SEC23B: variants seen among roughly 807,000 people sequenced by gnomAD.
The protein encoded by SEC23B is protein transport protein Sec23B.
A neutral mutation model predicts 104.3 loss-of-function variants in SEC23B; 77 were observed. The observed-to-expected ratio is 0.74, with a 90% confidence interval of 0.61 to 0.89. SEC23B has a LOEUF of 0.89. Ranked by LOEUF, SEC23B falls within the 40% of genes least tolerant of loss-of-function variation. SEC23B has a pLI of 0.00. For synonymous variants in SEC23B, 338 were observed against 332.5 expected, an observed-to-expected ratio of 1.02 and a Z score of -0.18; for missense variants, 885 against 949.4, an observed-to-expected ratio of 0.93 and a Z score of 0.89.
Position 18,551,174 on chromosome 20 carries a change from AG to A in SEC23B, c.1992+1del. The A allele has an allele frequency of 6.6e-7, 1 of 1,510,320 alleles. No homozygotes were observed. The highest frequency in any genetic ancestry group is 9.2e-7 in the Non-Finnish European group (1 of 1,091,854). The allele number at this position is 1,510,320 out of a possible 1,614,324, so 93.6% of individuals were successfully genotyped here. On this transcript the variant is annotated frameshift_variant and splice_region_variant, in exon 17 of 20. Transcript: ENST00000650089. LOFTEE classifies it high-confidence loss of function. The part of the protein sequence containing the change: ...TFFQIVIYLG[E>X]TIAQWRKAGY... ...TTTCAAATTGTCATTTATCTTGGTG[AG>A]GTAAGATGATATTATTAATTAATTA...
In SEC23B at chr20:18,543,157, A is replaced by G; in HGVS notation, c.1650A>G (p.Arg550=). 6.2e-7 allele frequency: 1 copy of G among 1,614,160 alleles called. No homozygotes were observed. The highest frequency in any genetic ancestry group is 8.5e-7 in the Non-Finnish European group (1 of 1,180,028). The change falls in exon 14 of 20, where the codon CGA becomes CGG. Residue 550 remains arginine (R), a synonymous_variant. Coordinates refer to ENST00000650089, the MANE Select transcript of SEC23B (RefSeq NM_006363.6). ...CCGATGTGCTCCGGTGGCTGGACCG[A>G]CAACTCATCCGACTGGTAAATTGGG... The part of the protein sequence containing the change: ...EGPDVLRWLD[R]QLIRLCQKFG...
intron 2 of SEC23B, 144 bp downstream of exon 2, chr20:18,511,200 G>T: frequency 2.9e-6 from 2 of 701,562 alleles, no homozygotes; most frequent in Non-Finnish European, 5.1e-6. Flanking sequence ...CGATTCTTGT[G>T]GTGAGTAGTA....
chr20:18,537,872 T>A (rs923917652), intron 12 of SEC23B, among the ~76,000 whole-genome samples: 1 of 152,150 alleles, frequency 6.6e-6, no homozygotes, highest in Non-Finnish European at 1.5e-5. Flanking sequence ...TACATTGATG[T>A]TGTTGGCTGC....
chr20:18,531,004 C>T (rs553339901), intron 10 of SEC23B, among the ~76,000 whole-genome samples: 5 of 152,370 alleles, frequency 3.3e-5, no homozygotes, highest in Admixed American at 3.3e-4. Flanking sequence ...ATCCAGACTT[C>T]TGGCAACCTC....
chr20:18,508,977 G>A (rs1380954959), intron 1 of SEC23B, among the ~76,000 whole-genome samples: 1 of 152,094 alleles, frequency 6.6e-6, no homozygotes, highest in Non-Finnish European at 1.5e-5. Context: ...GGCCTCGGTC[G>A]CCCAAAGTGC....
chr20:18,517,799 C>G (rs2060043442), intron 4 of SEC23B, among the ~76,000 whole-genome samples: 1 of 152,074 alleles, frequency 6.6e-6, no homozygotes, highest in Non-Finnish European at 1.5e-5. Context: ...TGGTGATGGC[C>G]TGGATGTGGT....
intron 12 of SEC23B, among the ~76,000 whole-genome samples, chr20:18,538,273 G>T (rs1255175236): frequency 7.2e-6 from 1 of 138,888 alleles, no homozygotes; most frequent in Non-Finnish European, 1.5e-5. Context: ...TTTTTGAGAC[G>T]GGGTCTCGCT....
chr20:18,521,008 C>T (rs897655044), intron 4 of SEC23B, among the ~76,000 whole-genome samples: 6 of 152,056 alleles, frequency 3.9e-5, no homozygotes, highest in Non-Finnish European at 7.4e-5. Context: ...GGAAGAATCC[C>T]GGGCTGCGGG....
intron 16 of SEC23B, among the ~76,000 whole-genome samples, chr20:18,549,801 C>T (rs1405149569): frequency 3.3e-5 from 5 of 151,702 alleles, no homozygotes; most frequent in African/African-American, 1.2e-4. Context: ...GCCAATGTGG[C>T]GAAACCCCAT....
At position 18,532,661 on chromosome 20, in the gene SEC23B, T is replaced by A. The variant is rs780469533; in HGVS notation, c.1234-3T>A. Reference sequence around the variant, plus strand: ...ACTTTACACTGTCACATATTTGTTATAGACCTCTCGGGAACTGAAGATTGC... The same window carrying A: ...ACTTTACACTGTCACATATTTGTTAAAGACCTCTCGGGAACTGAAGATTGC... On this transcript the variant is annotated splice_polypyrimidine_tract_variant and splice_region_variant and intron_variant, in intron 10 of 19. Transcript: ENST00000650089. The A allele has an allele frequency of 1.2e-6, 2 of 1,608,792 alleles. No individual in the cohort carries two copies. Among genetic ancestry groups the A allele is most frequent in the Non-Finnish European group, 1.7e-6 (2 of 1,175,060 alleles).
At chr20:18,520,809 G>A (rs1295873628) in intron 4 of SEC23B, among the ~76,000 whole-genome samples, 1 of 151,888 alleles carries the variant, frequency 6.6e-6, no homozygotes, top group Non-Finnish European at 1.5e-5. Context: ...CCCAAAGCTC[G>A]GCGTCCGTGA....
Position 18,510,931 on chromosome 20 carries a change from A to G in SEC23B, c.96A>G (p.Thr32=), listed in dbSNP as rs764194823. ...NVWPSSRLEA[T]RMVVPLACLL... ...GGCCTTCCAGCCGGCTGGAGGCTACAAGAATGGTTGTACCCCTGGCTTGTC... is the reference window on the plus strand; with the variant it reads ...GGCCTTCCAGCCGGCTGGAGGCTACGAGAATGGTTGTACCCCTGGCTTGTC... The change falls in exon 2 of 20, where the codon ACA becomes ACG. Residue 32 remains threonine, a synonymous_variant. Transcript: ENST00000650089. 6.2e-6 allele frequency: 10 copies of G among 1,614,072 alleles called. No homozygotes were observed. Among genetic ancestry groups the G allele is most frequent in the African/African-American group, 1.3e-5 (1 of 74,940 alleles).
At position 18,530,809 on chromosome 20, in the gene SEC23B, G is replaced by T. The variant is rs745894987; in HGVS notation, c.1233+6G>T. The T allele has an allele frequency of 1.3e-6, 2 of 1,561,268 alleles. No homozygotes were observed. The highest frequency in any genetic ancestry group is 2.8e-5 in the African/African-American group (2 of 71,150). On this transcript the variant is annotated splice_donor_region_variant and intron_variant, in intron 10 of 19. Coordinates refer to ENST00000650089, the MANE Select transcript of SEC23B (RefSeq NM_006363.6). The stretch of plus-strand genomic sequence containing the variant: ...GTGCTACTTTGGACGTAAAGGTACG[G>T]TAAACTTTTTTTTTTTTTTATGTGG...
chr20:18,539,408 A>T (rs2060267170), intron 12 of SEC23B, among the ~76,000 whole-genome samples: 2 of 140,856 alleles, frequency 1.4e-5, no homozygotes, highest in African/African-American at 5.3e-5. Flanking sequence ...TACTTGGGAG[A>T]CTGAGGCAGG....
chr20:18,554,308 C>T lies in SEC23B; in HGVS notation c.2066C>T (p.Ala689Val). 1 of 1,614,174 alleles carries T rather than the reference C, an allele frequency of 6.2e-7. No individual in the cohort carries two copies. Among genetic ancestry groups the T allele is most frequent in the Non-Finnish European group, 8.5e-7 (1 of 1,180,030 alleles). Residue 689 changes from alanine to valine, a missense_variant, in exon 18 of 20, where the codon GCA becomes GTA. Transcript: ENST00000650089. Reference sequence around the variant, plus strand: ...GAAAACTTCAAGCACCTTCTGCAGGCACCACTGGATGATGCTCAAGAAATT... The same window carrying T: ...GAAAACTTCAAGCACCTTCTGCAGGTACCACTGGATGATGCTCAAGAAATT... ...EYENFKHLLQAPLDDAQEILQ... is the reference protein window; with the variant it reads ...EYENFKHLLQVPLDDAQEILQ...
At position 18,527,515 on chromosome 20, in the gene SEC23B, A is replaced by G. The variant is rs2060144319; in HGVS notation, c.1013A>G (p.Asn338Ser). Residue 338 changes from asparagine to serine, a missense_variant, in exon 9 of 20, where the codon AAT becomes AGT. By Grantham distance (46) the Asn-to-Ser change is conservative. Coordinates refer to ENST00000650089, the MANE Select transcript of SEC23B (RefSeq NM_006363.6). ...KATKHYEMLA[N>S]RTAANGHCID... ...TCACAGCACTATGAGATGCTTGCTAATCGAACAGCTGCAAATGGTCACTGC... is the reference window on the plus strand; with the variant it reads ...TCACAGCACTATGAGATGCTTGCTAGTCGAACAGCTGCAAATGGTCACTGC... 1.2e-6 allele frequency: 2 copies of G among 1,611,062 alleles called. No individual in the cohort carries two copies. The highest frequency in any genetic ancestry group is 4.5e-5 in the East Asian group (2 of 44,876).
chr20:18,534,214 C>T (rs1202598590), intron 11 of SEC23B, among the ~76,000 whole-genome samples: 1 of 152,156 alleles, frequency 6.6e-6, no homozygotes, highest in Non-Finnish European at 1.5e-5. Flanking sequence ...TCCTTAAGCA[C>T]GTCAGTATGC....
chr20:18,525,098 T>A (rs781724819), intron 6 of SEC23B, 78 bp downstream of exon 6: 111 of 1,199,100 alleles, frequency 9.3e-5, no homozygotes, highest in Non-Finnish European at 1.3e-4. Flanking sequence ...AAGAAAAATA[T>A]TAGAATTTGT....
At chr20:18,514,760 C>T (rs1409985400) in intron 3 of SEC23B, among the ~76,000 whole-genome samples, 1 of 150,942 alleles carries the variant, frequency 6.6e-6, no homozygotes, top group African/African-American at 2.4e-5. Context: ...GTGCTTAAGT[C>T]TGGAAGGAAA....
Sources: allele counts gnomAD v4.1 joint callset (sites outside exome capture counted in the v4.1 genomes callset), GRCh38; gene constraint gnomAD v4.1.1; transcripts MANE v1.5; gene names NCBI Gene and HGNC (gene_info 2026-07-23, HGNC 2026-07-21).